Variants in TEK observed in about 807,000 individuals in gnomAD.
TEK encodes the protein TEK receptor tyrosine kinase.
In TEK, 43 loss-of-function variants were observed where a neutral mutation model predicts 131.8. The ratio of observed to expected loss-of-function variants is 0.33; its 90% CI spans 0.26 to 0.42. The LOEUF is 0.42. Ranked by LOEUF, TEK falls within the 10% of genes least tolerant of loss-of-function variation. The probability of loss-of-function intolerance (pLI) is 1.00; values close to 1 mark genes in which losing one functional copy is unlikely to be tolerated. For missense variants in TEK, 1,162 were observed against 1,384.4 expected, an observed-to-expected ratio of 0.84 and a Z score of 2.55; for synonymous variants, 580 against 491.6, an observed-to-expected ratio of 1.18 and a Z score of -2.38.
At chr9:27,211,124 A>G (rs1825598711) in intron 16 of TEK, among the ~76,000 whole-genome samples, 1 of 144,024 alleles carries the variant, frequency 6.9e-6, no homozygotes, top group Admixed American at 7.0e-5. Context: ...TCAGTTTAAA[A>G]AAAAATATAT....
At chr9:27,129,858 T>C (rs1255724269) in intron 1 of TEK, among the ~76,000 whole-genome samples, 2 of 152,184 alleles carry the variant, frequency 1.3e-5, no homozygotes, top group Admixed American at 1.3e-4. Flanking sequence ...TGAATAGATT[T>C]CCACTAAACT....
chr9:27,149,583 T>G (rs1446270529), intron 1 of TEK, among the ~76,000 whole-genome samples: 1 of 152,222 alleles, frequency 6.6e-6, no homozygotes, highest in Non-Finnish European at 1.5e-5. Context: ...ACTCGTTTCT[T>G]TGATTTGCTC....
intron 21 of TEK, among the ~76,000 whole-genome samples, chr9:27,227,895 C>T (rs576210217): frequency 5.3e-5 from 8 of 152,146 alleles, no homozygotes; most frequent in Non-Finnish European, 1.2e-4. Context: ...GAGACACTAA[C>T]ATTTTGAAAT....
rs35030851 is a variant in TEK at position 27,197,488 on chromosome 9, G to T, written c.1798G>T (p.Val600Leu). The T allele has an allele frequency of 0.046, 74,232 of 1,613,970 alleles. 1,925 individuals are homozygous for T. The highest frequency in any genetic ancestry group is 0.08 in the Middle Eastern group (483 of 6,062). ...NIKVPGNLTS[V>L]LLNNLHPREQ... The stretch of plus-strand genomic sequence containing the variant: ...TAAAGTTCCAGGCAACTTGACTTCG[G>T]TGCTACTTAACAACTTACATCCCAG... The change falls in exon 12 of 23, where the codon GTG becomes TTG. Residue 600 changes from valine (V) to leucine (L), a missense_variant. Transcript: ENST00000380036.
chr9:27,200,944 T>C (rs2131203578), intron 12 of TEK, among the ~76,000 whole-genome samples: 1 of 152,310 alleles, frequency 6.6e-6, no homozygotes, highest in East Asian at 1.9e-4. Context: ...ATTAGGATTC[T>C]AATCCACATT....
chr9:27,200,102 GT>G (rs1353497117), intron 12 of TEK, among the ~76,000 whole-genome samples: 6 of 152,038 alleles, frequency 3.9e-5, no homozygotes, highest in African/African-American at 1.4e-4. Flanking sequence ...CCAATGCCAC[GT>G]ATTGAGTAGT....
chr9:27,189,383 C>T (rs1298233605), intron 9 of TEK, among the ~76,000 whole-genome samples: 2 of 152,088 alleles, frequency 1.3e-5, no homozygotes, highest in African/African-American at 2.4e-5. Flanking sequence ...CACAGATGTA[C>T]TTTATATCTC....
At chr9:27,209,448 T>G (rs1393035033) in intron 16 of TEK, among the ~76,000 whole-genome samples, 1 of 152,202 alleles carries the variant, frequency 6.6e-6, no homozygotes, top group East Asian at 1.9e-4. Flanking sequence ...TAGCCTCTGA[T>G]GTGGTTCAGC....
chr9:27,229,850 T>G lies in TEK; in HGVS notation c.*618T>G, dbSNP rs1158798525. 1.3e-5 allele frequency: 2 copies of G among 154,030 alleles called. No homozygotes were observed. The highest frequency in any genetic ancestry group is 2.4e-5 in the African/African-American group (1 of 41,466). The allele number at this position is 154,030 out of a possible 1,614,324, so 9.5% of individuals were successfully genotyped here. A position where few individuals can be genotyped will look rare whatever the true frequency, so the allele number is the denominator to read the frequency against. ...CCACAGCCTGCAAGTCAGTCCAGGA[T>G]GCTAACATCTAAAAATAGACTTAAA... On this transcript the variant is annotated 3_prime_UTR_variant, in exon 23 of 23. Transcript: ENST00000380036.
rs1274422067 is a variant in TEK at position 27,109,240 on chromosome 9, A to G, written c.-351A>G. 1.3e-5 allele frequency: 7 copies of G among 531,374 alleles called. No homozygotes were observed. Among genetic ancestry groups the G allele is most frequent in the Non-Finnish European group, 2.3e-5 (7 of 305,626 alleles). 32.9% of individuals were successfully genotyped at this position (531,374 alleles called of 1,614,324 possible). On this transcript the variant is annotated 5_prime_UTR_variant, in exon 1 of 23. Coordinates refer to ENST00000380036, the MANE Select transcript of TEK (RefSeq NM_000459.5). ...ACAAAAATTCCTCTGCCCCTACAGC[A>G]GCAGCAAAAGCAGCAGCAGAAGCAA...
chr9:27,132,610 A>G (rs1009234102), intron 1 of TEK, among the ~76,000 whole-genome samples: 29 of 152,202 alleles, frequency 1.9e-4, no homozygotes, highest in Non-Finnish European at 3.7e-4. Flanking sequence ...CATAGTATTC[A>G]GTTGATTTTT....
At chr9:27,149,134 A>G (rs1458252121) in intron 1 of TEK, among the ~76,000 whole-genome samples, 1 of 152,236 alleles carries the variant, frequency 6.6e-6, no homozygotes, top group Admixed American at 6.5e-5. Context: ...TTATTTATTC[A>G]TTCATCAATG....
At chr9:27,164,384 A>G (rs1476514526) in intron 2 of TEK, among the ~76,000 whole-genome samples, 4 of 151,024 alleles carry the variant, frequency 2.6e-5, no homozygotes, top group Non-Finnish European at 4.4e-5. Flanking sequence ...CAGTGGCGCA[A>G]TCTCAGCTCA....
chr9:27,198,300 C>A (rs1253792286), intron 12 of TEK: 1 of 155,088 alleles, frequency 6.4e-6, no homozygotes, highest in Non-Finnish European at 1.4e-5. Flanking sequence ...TATGGCCTTA[C>A]CACCCTGAAC....
chr9:27,149,415 TG>T (rs972803626), intron 1 of TEK, among the ~76,000 whole-genome samples: 13 of 152,320 alleles, frequency 8.5e-5, no homozygotes, highest in Admixed American at 8.5e-4. Context: ...GGACAATGTT[TG>T]TAAAGCACTT....
intron 1 of TEK, among the ~76,000 whole-genome samples, chr9:27,153,011 T>G (rs759920793): frequency 1.3e-5 from 2 of 152,212 alleles, no homozygotes; most frequent in Non-Finnish European, 2.9e-5. Flanking sequence ...CTGTTCAATA[T>G]AGAACACAGA....
chr9:27,128,332 C>T (rs1822071706), intron 1 of TEK, among the ~76,000 whole-genome samples: 2 of 152,062 alleles, frequency 1.3e-5, no homozygotes, highest in Admixed American at 1.3e-4. Flanking sequence ...TTCCATTGGT[C>T]TAGGTATCTC....
At chr9:27,198,729 CTAT>C (rs1341556715) in intron 12 of TEK, among the ~76,000 whole-genome samples, 18 of 152,352 alleles carry the variant, frequency 1.2e-4, no homozygotes, top group African/African-American at 4.1e-4. Context: ...TTATCCCTAT[CTAT>C]TTCTATTCCC....
In TEK at chr9:27,220,068, G is replaced by A. The variant is rs2273719; in HGVS notation, c.3123G>A (p.Gly1041=). The A allele has an allele frequency of 0.17, 276,650 of 1,613,578 alleles. 25,744 individuals are homozygous for A. The highest frequency in any genetic ancestry group is 0.36 in the African/African-American group (27,107 of 74,866). Residue 1041 remains glycine, a synonymous_variant, in exon 21 of 23, where the codon GGG becomes GGA. Transcript: ENST00000380036. ...TTCCAGGAGGCACACCCTACTGCGG[G>A]ATGACTTGTGCAGAACTCTACGAGA... ...IVSLGGTPYC[G]MTCAELYEKL...
Sources: allele counts gnomAD v4.1 joint callset (sites outside exome capture counted in the v4.1 genomes callset), GRCh38; gene constraint gnomAD v4.1.1; transcripts MANE v1.5; gene names NCBI Gene and HGNC (gene_info 2026-07-23, HGNC 2026-07-21).